Variants in CCSER1 observed in about 807,000 individuals in gnomAD.
The protein encoded by CCSER1 is coiled-coil serine rich protein 1.
A neutral mutation model predicts 82.0 loss-of-function variants in CCSER1; 41 were observed. The ratio of observed to expected loss-of-function variants is 0.50; its 90% CI spans 0.39 to 0.65. CCSER1 has a LOEUF of 0.65. CCSER1 is among the 30% of genes least tolerant of loss of function. The pLI, the probability that CCSER1 is intolerant of heterozygous loss-of-function variation, is 0.00. For synonymous variants in CCSER1, 414 were observed against 383.9 expected, an observed-to-expected ratio of 1.08 and a Z score of -0.92; for missense variants, 1,119 against 1,064.2, an observed-to-expected ratio of 1.05 and a Z score of -0.72.
chr4:90,289,792 T>G (rs191577641), intron 1 of CCSER1, among the ~76,000 whole-genome samples: 2 of 152,000 alleles, frequency 1.3e-5, no homozygotes, highest in East Asian at 3.9e-4. Flanking sequence ...TATCCTTTGC[T>G]TCCCTTTATG....
intron 5 of CCSER1, among the ~76,000 whole-genome samples, chr4:90,595,884 T>A (rs990317336): frequency 1.3e-5 from 2 of 151,970 alleles, no homozygotes; most frequent in African/African-American, 4.8e-5. Flanking sequence ...TAGAATGGTA[T>A]GTTGTAATTG....
At chr4:90,802,857 TC>T (rs1403962034) in intron 7 of CCSER1, among the ~76,000 whole-genome samples, 2 of 152,022 alleles carry the variant, frequency 1.3e-5, no homozygotes, top group Non-Finnish European at 2.9e-5. Context: ...TGTTTTCTCA[TC>T]TCTGACCTCT....
intron 10 of CCSER1, among the ~76,000 whole-genome samples, chr4:91,243,420 C>T (rs1206955091): frequency 2.6e-5 from 4 of 151,570 alleles, no homozygotes; most frequent in African/African-American, 9.8e-5. Context: ...CCTAGGGAGA[C>T]ACCAGCTGCT....
At chr4:91,347,480 A>G (rs1301754711) in intron 10 of CCSER1, among the ~76,000 whole-genome samples, 1 of 148,444 alleles carries the variant, frequency 6.7e-6, no homozygotes, top group Non-Finnish European at 1.5e-5. Flanking sequence ...AGAACACATT[A>G]TTATTTTTTT....
intron 1 of CCSER1, among the ~76,000 whole-genome samples, chr4:90,220,462 C>CT (rs369855943): frequency 1.3e-3 from 187 of 145,908 alleles, no homozygotes; most frequent in Admixed American, 2.7e-3. Flanking sequence ...TTTTGATTTG[C>CT]TTTTTTTTTT....
chr4:90,895,498 C>T (rs749415617), intron 8 of CCSER1, among the ~76,000 whole-genome samples: 1 of 151,876 alleles, frequency 6.6e-6, no homozygotes, highest in Non-Finnish European at 1.5e-5. Context: ...TTGCCTTAAG[C>T]ACCTCTTTCA....
At chr4:91,432,276 G>C (rs1754374322) in intron 10 of CCSER1, among the ~76,000 whole-genome samples, 1 of 152,126 alleles carries the variant, frequency 6.6e-6, no homozygotes, top group Non-Finnish European at 1.5e-5. Context: ...CTTTATAGCA[G>C]TGTGATAATG....
chr4:90,218,621 G>A (rs1336989301), intron 1 of CCSER1, among the ~76,000 whole-genome samples: 1 of 152,080 alleles, frequency 6.6e-6, no homozygotes, highest in Non-Finnish European at 1.5e-5. Flanking sequence ...AACTTTTCAG[G>A]GTCTTAATTT....
At chr4:90,823,483 T>G (rs73833898) in intron 8 of CCSER1, among the ~76,000 whole-genome samples, 9,169 of 152,144 alleles carry the variant, frequency 0.06, 536 homozygotes, top group African/African-American at 0.16. Context: ...GTGCTACTTA[T>G]TAATGTATTC....
At chr4:90,617,195 A>G (rs1224851278) in intron 5 of CCSER1, among the ~76,000 whole-genome samples, 1 of 152,096 alleles carries the variant, frequency 6.6e-6, no homozygotes, top group Non-Finnish European at 1.5e-5. Flanking sequence ...TGGTGGAGGT[A>G]TGTCTTAGGA....
chr4:91,371,298 C>A (rs1181783318), intron 10 of CCSER1, among the ~76,000 whole-genome samples: 1 of 152,210 alleles, frequency 6.6e-6, no homozygotes, highest in Non-Finnish European at 1.5e-5. Flanking sequence ...ACCCCAAGCC[C>A]CCACCACCAC....
chr4:91,525,195 A>G (rs1183253975), intron 10 of CCSER1, among the ~76,000 whole-genome samples: 1 of 152,158 alleles, frequency 6.6e-6, no homozygotes, highest in Non-Finnish European at 1.5e-5. Flanking sequence ...GTATATAAAT[A>G]TGACAAAGGA....
At chr4:90,394,412 A>G (rs149375410) in intron 3 of CCSER1, among the ~76,000 whole-genome samples, 117 of 152,322 alleles carry the variant, frequency 7.7e-4, no homozygotes, top group African/African-American at 2.6e-3. Flanking sequence ...TTGGGAGATT[A>G]CATGAGTAGT....
intron 6 of CCSER1, among the ~76,000 whole-genome samples, chr4:90,670,776 A>G (rs1195896684): frequency 6.6e-6 from 1 of 152,090 alleles, no homozygotes; most frequent in Non-Finnish European, 1.5e-5. Flanking sequence ...CTGAAAAGTA[A>G]TAGTGAACTA....
intron 5 of CCSER1, among the ~76,000 whole-genome samples, chr4:90,606,986 ATGT>A (rs1038623051): frequency 5.9e-5 from 9 of 152,174 alleles, no homozygotes; most frequent in Admixed American, 1.3e-4. Context: ...CCCTATTTAT[ATGT>A]TGTTGATGAA....
At chr4:91,006,744 G>A (rs2150491155) in intron 9 of CCSER1, among the ~76,000 whole-genome samples, 1 of 152,192 alleles carries the variant, frequency 6.6e-6, no homozygotes, top group South Asian at 2.1e-4. Flanking sequence ...ACCCGCCTTG[G>A]CCTCCCAAAG....
At chr4:90,786,379 A>G (rs892397739) in intron 7 of CCSER1, among the ~76,000 whole-genome samples, 1 of 152,206 alleles carries the variant, frequency 6.6e-6, no homozygotes, top group Non-Finnish European at 1.5e-5. Flanking sequence ...CTCAGAAACT[A>G]TAACATGGTT....
At chr4:91,167,784 C>G (rs556538752) in intron 10 of CCSER1, among the ~76,000 whole-genome samples, 1 of 152,350 alleles carries the variant, frequency 6.6e-6, no homozygotes, top group Admixed American at 6.5e-5. Flanking sequence ...CTCTTTCTAC[C>G]TTGCCATGTT....
intron 10 of CCSER1, among the ~76,000 whole-genome samples, chr4:91,336,331 C>T (rs1256033955): frequency 6.6e-6 from 1 of 152,052 alleles, no homozygotes; most frequent in Non-Finnish European, 1.5e-5. Context: ...ATTTTATGAG[C>T]TTCAAGTATT....
Sources: gnomAD v4.1 joint callset for allele counts (sites outside exome capture counted in the v4.1 genomes callset) on GRCh38, gnomAD v4.1.1 for gene constraint, MANE v1.5 for transcripts, NCBI Gene and HGNC (gene_info 2026-07-23, HGNC 2026-07-21) for gene names.